Variants in PNLIP observed in about 807,000 individuals in gnomAD.
The protein encoded by PNLIP is pancreatic triacylglycerol lipase.
PNLIP carries 49 observed loss-of-function variants against 57.1 expected under a neutral mutation model. The ratio of observed to expected loss-of-function variants is 0.86; its 90% CI spans 0.68 to 1.09. The LOEUF is 1.09. Among genes scored for constraint, PNLIP ranks in the 50% least tolerant of loss-of-function variants. The pLI, the probability that PNLIP is intolerant of heterozygous loss-of-function variation, is 0.00. For synonymous variants in PNLIP, 209 were observed against 200.4 expected (o/e 1.04, Z -0.36); for missense variants, 503 against 570.2 (o/e 0.88, Z 1.20).
chr10:116,562,069 A>G (rs1321943154), intron 12 of PNLIP, among the ~76,000 whole-genome samples: 1 of 152,224 alleles, frequency 6.6e-6, no homozygotes, highest in African/African-American at 2.4e-5. Flanking sequence ...GTGAAGACGA[A>G]GGTCCAGGAG....
Position 116,567,850 on chromosome 10 carries a change from G to A in PNLIP, c.*52G>A, listed in dbSNP as rs760991080. 6 of 1,313,658 alleles carry A rather than the reference G, an allele frequency of 4.6e-6. No individual in the cohort carries two copies. The highest frequency in any genetic ancestry group is 6.6e-6 in the Non-Finnish European group (6 of 905,776). 81.4% of individuals were successfully genotyped at this position (1,313,658 alleles called of 1,614,324 possible). ...TTGACTTCTAATAAAATCTAGTGGT[G>A]ATGCATTACATGCCTGTTTCTTTTG... On this transcript the variant is annotated 3_prime_UTR_variant, in exon 13 of 13. Coordinates refer to ENST00000369221, the MANE Select transcript of PNLIP (RefSeq NM_000936.4).
At chr10:116,551,904 G>C (rs547793493) in intron 5 of PNLIP, among the ~76,000 whole-genome samples, 1 of 152,164 alleles carries the variant, frequency 6.6e-6, no homozygotes, top group Non-Finnish European at 1.5e-5. Context: ...CCCTCTGCGC[G>C]CCTCATTGAA....
intron 6 of PNLIP, 111 bp from the exon 7 acceptor site, chr10:116,555,067 G>A: frequency 1.7e-6 from 2 of 1,193,288 alleles, no homozygotes; most frequent in Non-Finnish European, 2.4e-6. Context: ...TTCAGCAAAT[G>A]GTCAGGTAAG....
chr10:116,550,010 A>C (rs1481613109), intron 4 of PNLIP, among the ~76,000 whole-genome samples: 1 of 151,706 alleles, frequency 6.6e-6, no homozygotes, highest in Non-Finnish European at 1.5e-5. Flanking sequence ...AAAAATGGAA[A>C]AGTTGCAGAT....
chr10:116,551,950 T>C (rs567621842), intron 5 of PNLIP, among the ~76,000 whole-genome samples: 27 of 152,332 alleles, frequency 1.8e-4, no homozygotes, highest in African/African-American at 5.8e-4. Flanking sequence ...CAAGGACGTG[T>C]AGGTCAATGA....
chr10:116,553,598 T>G (rs1847217928), intron 5 of PNLIP, 129 bp from the exon 6 acceptor site: 1 of 691,880 alleles, frequency 1.4e-6, no homozygotes, highest in Non-Finnish European at 2.6e-6. Context: ...TAGGTTTATG[T>G]AAATATACTT....
intron 12 of PNLIP, among the ~76,000 whole-genome samples, chr10:116,564,999 A>G (rs2915770): frequency 0.89 from 134,624 of 151,948 alleles, 59,908 homozygotes; most frequent in South Asian, 0.92. Flanking sequence ...GGTGGCTCAC[A>G]CCTGTAATCC....
At chr10:116,565,435 A>G (rs982269630) in intron 12 of PNLIP, among the ~76,000 whole-genome samples, 20 of 149,704 alleles carry the variant, frequency 1.3e-4, no homozygotes, top group Non-Finnish European at 2.4e-4. Context: ...TCAATATCCA[A>G]TTGTATTCTG....
chr10:116,567,841 T>TATTCTCATTTTGGG lies in PNLIP; in HGVS notation c.*43_*44insATTCTCATTTTGGG. 7.0e-7 allele frequency: 1 copy of TATTCTCATTTTGGG among 1,437,096 alleles called. No homozygotes were observed. Among genetic ancestry groups the TATTCTCATTTTGGG allele is most frequent in the Non-Finnish European group, 9.8e-7 (1 of 1,018,296 alleles). 89.0% of individuals were successfully genotyped at this position (1,437,096 alleles called of 1,614,324 possible). A position where few individuals can be genotyped will look rare whatever the true frequency, so the allele number is the denominator to read the frequency against. On this transcript the variant is annotated 3_prime_UTR_variant, in exon 13 of 13. Transcript: ENST00000369221. Reference sequence around the variant, plus strand: ...ACCAATGAATTGACTTCTAATAAAATCTAGTGGTGATGCATTACATGCCTG... The same window carrying TATTCTCATTTTGGG: ...ACCAATGAATTGACTTCTAATAAAATATTCTCATTTTGGGCTAGTGGTGATGCATTACATGCCTG...
chr10:116,548,160 T>G (rs1340303084), intron 3 of PNLIP, among the ~76,000 whole-genome samples, 200 bp from the exon 4 acceptor site: 1 of 151,932 alleles, frequency 6.6e-6, no homozygotes, highest in Non-Finnish European at 1.5e-5. Flanking sequence ...TATCCCAAGT[T>G]GAACAATGGC....
chr10:116,552,473 T>TA (rs1408304209), intron 5 of PNLIP, among the ~76,000 whole-genome samples: 2 of 152,078 alleles, frequency 1.3e-5, no homozygotes, highest in Non-Finnish European at 1.5e-5. Flanking sequence ...TTTGACAAGT[T>TA]AAAAAAATTA....
intron 12 of PNLIP, among the ~76,000 whole-genome samples, chr10:116,564,707 A>G (rs1200364353): frequency 6.6e-6 from 1 of 152,206 alleles, no homozygotes; most frequent in East Asian, 1.9e-4. Flanking sequence ...TAAATAATAT[A>G]TGTATAAGTA....
rs767907390 is a variant in PNLIP, at chr10:116,556,100, T to C, written c.912T>C (p.Ser304=). ...PDGFAGFPCA[S]YNVFTANKCF... ...GCTTTGCTGGATTCCCCTGTGCCTC[T>C]TACAACGTCTTCACTGCAGTAAGTA... The change falls in exon 9 of 13, where the codon TCT becomes TCC. Residue 304 remains serine, a synonymous_variant. Transcript: ENST00000369221. 2.5e-5 allele frequency: 40 copies of C among 1,606,212 alleles called. 1 individual carries two copies. Among genetic ancestry groups the C allele is most frequent in the Non-Finnish European group, 3.2e-5 (38 of 1,172,878 alleles).
chr10:116,546,028 G>A (rs1847118963), intron 1 of PNLIP, 65 bp from the exon 2 acceptor site: 3 of 1,396,912 alleles, frequency 2.1e-6, no homozygotes, highest in Admixed American at 3.4e-5. Flanking sequence ...AGGTCTAAAT[G>A]AACTAAAACT....
chr10:116,557,280 A>G (rs1847262673), intron 9 of PNLIP, among the ~76,000 whole-genome samples: 1 of 152,214 alleles, frequency 6.6e-6, no homozygotes, highest in African/African-American at 2.4e-5. Context: ...ATTCAACAAT[A>G]TAAACAGTTC....
chr10:116,547,378 T>G lies in PNLIP; in HGVS notation c.131T>G (p.Leu44Trp), dbSNP rs144699284. ...SGITERPLHI[L>W]PWSPKDVNTR... ...ATTACGGAAAGACCCCTCCATATAT[T>G]GCCTTGGTCTCCAAAAGATGTCAAC... Residue 44 changes from leucine to tryptophan, a missense_variant, in exon 3 of 13, where the codon TTG (leucine) becomes TGG (tryptophan). By Grantham distance (61) the Leu-to-Trp change is moderately conservative. Transcript: ENST00000369221. The G allele has an allele frequency of 8.7e-5, 141 of 1,613,952 alleles. No homozygotes were observed. Among genetic ancestry groups the G allele is most frequent in the Non-Finnish European group, 1.2e-4 (136 of 1,179,948 alleles).
At chr10:116,567,144 C>CTTTCTTTCTTTCTTTTA (rs1564728825) in intron 12 of PNLIP, among the ~76,000 whole-genome samples, 18 of 128,968 alleles carry the variant, frequency 1.4e-4, no homozygotes, top group African/African-American at 5.2e-4. Flanking sequence ...TCTTTCTTTT[C>CTTTCTTTCTTTCTTTTA]TTCTCTTTCT....
At position 116,567,786 on chromosome 10, in the gene PNLIP, C is replaced by T. The variant is rs1173272166; in HGVS notation, c.1386C>T (p.Leu462=). The change falls in exon 13 of 13, where the codon CTC becomes CTT. Residue 462 remains leucine, a synonymous_variant. Coordinates refer to ENST00000369221, the MANE Select transcript of PNLIP (RefSeq NM_000936.4). The part of the protein sequence containing the change: ...ETVREEVLLT[L]TPC ...TCAGGGAGGAAGTTCTGCTCACCCT[C>T]ACACCGTGTTAGGAGACTACTGTTA... 4 of 1,612,858 alleles carry T rather than the reference C, an allele frequency of 2.5e-6. No homozygotes were observed. The South Asian group carries it at 3.3e-5, about 13-fold the overall frequency.
At chr10:116,562,687 C>T (rs1847326487) in intron 12 of PNLIP, among the ~76,000 whole-genome samples, 1 of 152,164 alleles carries the variant, frequency 6.6e-6, no homozygotes, top group African/African-American at 2.4e-5. Context: ...TGAGAACAAA[C>T]CAGCTGGAGG....
Sources: gnomAD v4.1 joint callset for allele counts (sites outside exome capture counted in the v4.1 genomes callset) on GRCh38, gnomAD v4.1.1 for gene constraint, MANE v1.5 for transcripts, NCBI Gene and HGNC (gene_info 2026-07-23, HGNC 2026-07-21) for gene names.